FNBP1: variants seen among roughly 807,000 people sequenced by gnomAD.
The protein encoded by FNBP1 is formin-binding protein 1.
Under a neutral mutation model 90.6 loss-of-function variants are expected in FNBP1, and 26 were observed. That is an observed-to-expected ratio of 0.29 (90% CI 0.21 to 0.40). The LOEUF (loss-of-function observed/expected upper bound fraction) is 0.40. FNBP1 is among the 10% of genes least tolerant of loss of function. The pLI is 1.00. For synonymous variants in FNBP1, 260 were observed against 265.2 expected, an observed-to-expected ratio of 0.98 and a Z score of 0.19; for missense variants, 635 against 768.0, an observed-to-expected ratio of 0.83 and a Z score of 2.05.
intron 4 of FNBP1, among the ~76,000 whole-genome samples, chr9:129,975,902 TAAAAAAAAA>T (rs34630525): frequency 1.4e-5 from 1 of 73,922 alleles, no homozygotes; most frequent in Non-Finnish European, 2.5e-5. Context: ...GACTCCATCT[TAAAAAAAAA>T]AAAAAAAAAA....
At chr9:129,924,115 C>T in intron 9 of FNBP1, 89 bp from the exon 10 acceptor site, 1 of 1,304,510 alleles carries the variant, frequency 7.7e-7, no homozygotes, top group Non-Finnish European at 1.0e-6. Flanking sequence ...TATTTGAAAT[C>T]CAACGCAAGT....
At chr9:129,909,877 G>A (rs556069408) in intron 11 of FNBP1, among the ~76,000 whole-genome samples, 27 of 152,292 alleles carry the variant, frequency 1.8e-4, no homozygotes, top group African/African-American at 6.0e-4. Context: ...GAGCCGCCGC[G>A]CCCAGCCTAG....
chr9:129,941,206 T>C (rs1588712231), intron 6 of FNBP1, among the ~76,000 whole-genome samples: 1 of 151,428 alleles, frequency 6.6e-6, no homozygotes, highest in South Asian at 2.1e-4. Context: ...CTGGCAAACA[T>C]GGTGAAACCC....
intron 2 of FNBP1, among the ~76,000 whole-genome samples, chr9:129,981,126 T>C (rs1388224714): frequency 6.6e-6 from 1 of 152,032 alleles, no homozygotes; most frequent in African/African-American, 2.4e-5. Context: ...TTCACTCTTG[T>C]TTCCCAGGCT....
intron 6 of FNBP1, among the ~76,000 whole-genome samples, chr9:129,953,227 T>C (rs1012091850): frequency 6.6e-6 from 1 of 152,188 alleles, no homozygotes; most frequent in Non-Finnish European, 1.5e-5. Context: ...GGCTCACGCC[T>C]GTAATCGCAG....
At chr9:130,023,289 T>A (rs560974760) in intron 1 of FNBP1, among the ~76,000 whole-genome samples, 1 of 152,058 alleles carries the variant, frequency 6.6e-6, no homozygotes, top group African/African-American at 2.4e-5. Context: ...AAGAAATAAA[T>A]CATGCTTTTA....
chr9:129,938,541 C>CTTTTTTT lies in FNBP1; in HGVS notation c.514-8853_514-8847dup, dbSNP rs77369142. On this transcript the variant is annotated intron_variant, in intron 6 of 16. Transcript: ENST00000446176. ...GAACTATTCCAGCAATTTCCTGACT[C>CTTTTTTT]TTTTTTTTTTTTTTGAAAACAGTCT... 2.5e-3 allele frequency among the ~76,000 whole-genome samples: 345 copies of CTTTTTTT among 140,624 alleles called. 3 individuals carry two copies. The highest frequency in any genetic ancestry group is 7.7e-3 in the African/African-American group (293 of 38,024). 92.3% of individuals were successfully genotyped at this position (140,624 alleles called of 152,430 possible).
chr9:130,036,069 T>G (rs1241251830), intron 1 of FNBP1, among the ~76,000 whole-genome samples: 1 of 152,164 alleles, frequency 6.6e-6, no homozygotes, highest in Non-Finnish European at 1.5e-5. Flanking sequence ...CTCAAGCTAG[T>G]ATGAGTGTAC....
intron 2 of FNBP1, 146 bp from the exon 3 acceptor site, chr9:129,979,520 CAT>C (rs1281499181): frequency 2.0e-5 from 12 of 609,234 alleles, no homozygotes; most frequent in Admixed American, 8.9e-5. Context: ...AATCTTTCAA[CAT>C]GTGTGATGAA....
intron 4 of FNBP1, among the ~76,000 whole-genome samples, chr9:129,962,513 T>C (rs1051816335): frequency 2.6e-5 from 4 of 152,192 alleles, no homozygotes; most frequent in Non-Finnish European, 5.9e-5. Flanking sequence ...ACCTAGGATT[T>C]AGCGGAGTCA....
intron 4 of FNBP1, among the ~76,000 whole-genome samples, chr9:129,965,526 T>C (rs2048419919): frequency 6.6e-6 from 1 of 152,072 alleles, no homozygotes; most frequent in African/African-American, 2.4e-5. Flanking sequence ...CAATGATCTT[T>C]TATCTGTTTT....
chr9:129,900,641 C>A lies in FNBP1; in HGVS notation c.1429-94G>T. 2 of 1,265,340 alleles carry A rather than the reference C, an allele frequency of 1.6e-6. No individual in the cohort carries two copies. The highest frequency in any genetic ancestry group is 3.9e-5 in the Admixed American group (1 of 25,884). 78.4% of individuals were successfully genotyped at this position (1,265,340 alleles called of 1,614,324 possible). ...TCCCAAAGGCCATCTGAGGGCCAGC[C>A]CGGAGCATCCTAAGGTCCCAAACTC... On this transcript the variant is annotated intron_variant, in intron 13 of 16. Coordinates refer to ENST00000446176, the MANE Select transcript of FNBP1 (RefSeq NM_015033.3). The surrounding 1 kb of genome is among the most constrained non-coding windows in gnomAD (Gnocchi z 4.1).
At chr9:130,009,715 T>C (rs1419350651) in intron 1 of FNBP1, among the ~76,000 whole-genome samples, 3 of 152,124 alleles carry the variant, frequency 2.0e-5, no homozygotes. Flanking sequence ...GGCAGGATAA[T>C]TGCTTGAACC....
intron 1 of FNBP1, among the ~76,000 whole-genome samples, chr9:130,017,497 C>T (rs1023028190): frequency 6.6e-6 from 1 of 152,120 alleles, no homozygotes; most frequent in Admixed American, 6.6e-5. Flanking sequence ...TTCTTCTAGG[C>T]AAATGTGAAT....
intron 2 of FNBP1, among the ~76,000 whole-genome samples, chr9:129,984,893 C>G (rs1432053732): frequency 6.6e-6 from 1 of 152,078 alleles, no homozygotes; most frequent in Non-Finnish European, 1.5e-5. Context: ...TCTGAGGCCT[C>G]CCCAGCCATG....
At chr9:129,922,455 C>T (rs1005727945) in intron 10 of FNBP1, among the ~76,000 whole-genome samples, 1 of 152,154 alleles carries the variant, frequency 6.6e-6, no homozygotes, top group Non-Finnish European at 1.5e-5. Context: ...ATCTAAATCC[C>T]GGCTCTGTAT....
intron 2 of FNBP1, among the ~76,000 whole-genome samples, chr9:129,991,577 G>A (rs1589121144): frequency 6.6e-6 from 1 of 152,092 alleles, no homozygotes; most frequent in East Asian, 1.9e-4. Flanking sequence ...CTAGACATGT[G>A]GATTTTTAAG....
intron 1 of FNBP1, among the ~76,000 whole-genome samples, chr9:130,005,295 C>T (rs537993764): frequency 5.3e-5 from 8 of 151,638 alleles, no homozygotes; most frequent in South Asian, 2.1e-4. Context: ...ATTAACTTCT[C>T]GAGCTTTTAA....
chr9:129,933,218 T>C (rs1337184228), intron 6 of FNBP1, among the ~76,000 whole-genome samples: 1 of 152,128 alleles, frequency 6.6e-6, no homozygotes, highest in Admixed American at 6.6e-5. Context: ...TGTATGCATG[T>C]ACTTACACGC....
Sources: allele counts gnomAD v4.1 joint callset (sites outside exome capture counted in the v4.1 genomes callset), GRCh38; gene constraint gnomAD v4.1.1; non-coding constraint Gnocchi (gnomAD v3.1); transcripts MANE v1.5; gene names NCBI Gene and HGNC (gene_info 2026-07-23, HGNC 2026-07-21).